The following PTGR1 variants were observed in gnomAD, a reference collection of about 807,000 sequenced individuals.
PTGR1 encodes the protein prostaglandin reductase 1.
In PTGR1, 23 loss-of-function variants were observed where a neutral mutation model predicts 37.7. The observed-to-expected ratio is 0.61, with a 90% confidence interval of 0.44 to 0.86. The LOEUF (loss-of-function observed/expected upper bound fraction) is 0.86, where lower values mean the gene tolerates loss of function less well. Among genes scored for constraint, PTGR1 ranks in the 40% least tolerant of loss-of-function variants. PTGR1 has a pLI of 0.00. For synonymous variants in PTGR1, 134 were observed against 140.0 expected (o/e 0.96, Z 0.30); for missense variants, 351 against 394.3 (o/e 0.89, Z 0.93).
chr9:111,562,882 T>G lies in PTGR1; in HGVS notation c.*239A>C. The G allele has an allele frequency of 8.3e-7, 1 of 1,202,456 alleles. No individual in the cohort carries two copies. Among genetic ancestry groups the G allele is most frequent in the Admixed American group, 3.5e-5 (1 of 28,650 alleles). 74.5% of individuals were successfully genotyped at this position (1,202,456 alleles called of 1,614,324 possible). A position where few individuals can be genotyped will look rare whatever the true frequency, so the allele number is the denominator to read the frequency against. On this transcript the variant is annotated 3_prime_UTR_variant, in exon 10 of 10. Coordinates refer to ENST00000407693, the MANE Select transcript of PTGR1 (RefSeq NM_001146108.2). The stretch of plus-strand genomic sequence containing the variant: ...ATTTTCACACTTCAAAGCCATTATT[T>G]TCTACCACAACTCAGAAGAAGCTGT...
At chr9:111,573,343 G>C (rs372904303) in intron 8 of PTGR1, among the ~76,000 whole-genome samples, 3 of 152,290 alleles carry the variant, frequency 2.0e-5, no homozygotes, top group South Asian at 2.1e-4. Context: ...TCTTGGTAAT[G>C]ATTTTGATTT....
chr9:111,584,948 T>G (rs1564619711), intron 5 of PTGR1, among the ~76,000 whole-genome samples: 1 of 152,188 alleles, frequency 6.6e-6, no homozygotes, highest in East Asian at 1.9e-4. Context: ...AATGTTAAGC[T>G]ATATTTTTGC....
chr9:111,576,542 G>A (rs902850895), intron 7 of PTGR1: 1 of 1,245,848 alleles, frequency 8.0e-7, no homozygotes, highest in Non-Finnish European at 1.1e-6. Flanking sequence ...AACTCTGGGG[G>A]TATTAGCTAG....
chr9:111,590,141 A>C (rs1829566244), intron 4 of PTGR1, among the ~76,000 whole-genome samples: 1 of 152,222 alleles, frequency 6.6e-6, no homozygotes, highest in Non-Finnish European at 1.5e-5. Flanking sequence ...CAATATAACG[A>C]ATGATAAGAC....
At chr9:111,590,559 A>T (rs1829579339) in intron 4 of PTGR1, among the ~76,000 whole-genome samples, 1 of 152,134 alleles carries the variant, frequency 6.6e-6, no homozygotes, top group African/African-American at 2.4e-5. Context: ...GGGTTTTGAC[A>T]TGTTGGCCAG....
chr9:111,593,125 C>T (rs1589321917), intron 3 of PTGR1, 143 bp from the exon 4 acceptor site: 5 of 1,329,688 alleles, frequency 3.8e-6, no homozygotes, highest in South Asian at 1.7e-5. Context: ...GGCAATAAAA[C>T]CCAGACAGAT....
chr9:111,560,667 C>T (rs1295223786), downstream of PTGR1, among the ~76,000 whole-genome samples: 10 of 139,300 alleles, frequency 7.2e-5, no homozygotes, highest in African/African-American at 1.3e-4. Flanking sequence ...AAAGGCACCA[C>T]GCACGGTGGT....
intron 2 of PTGR1, among the ~76,000 whole-genome samples, chr9:111,596,655 G>A (rs1233295281): frequency 6.6e-6 from 1 of 151,976 alleles, no homozygotes; most frequent in African/African-American, 2.4e-5. Context: ...CAGCTACTCA[G>A]GTGGCTGAGG....
Position 111,576,467 on chromosome 9 carries a change from G to A in PTGR1, c.652-1625C>T, listed in dbSNP as rs1829060058. 7.4e-6 allele frequency: 12 copies of A among 1,612,420 alleles called. No homozygotes were observed. The Admixed American group carries it at 2.0e-4, about 27-fold the overall frequency. ...TGTTACACAGAGATGACCAGAGGAT[G>A]GGGCCACTGCAGTGCAGTTCAAGAG... is the stretch of plus-strand genomic sequence containing the variant. On this transcript the variant is annotated intron_variant, in intron 7 of 9. Coordinates refer to ENST00000407693, the MANE Select transcript of PTGR1 (RefSeq NM_001146108.2).
At chr9:111,594,453 A>G (rs1212073818) in intron 2 of PTGR1, among the ~76,000 whole-genome samples, 186 bp from the exon 3 acceptor site, 1 of 151,974 alleles carries the variant, frequency 6.6e-6, no homozygotes, top group Non-Finnish European at 1.5e-5. Flanking sequence ...CATGCAATTT[A>G]CCCATATAAC....
downstream of PTGR1, among the ~76,000 whole-genome samples, chr9:111,560,928 G>A (rs1164833095): frequency 7.5e-6 from 1 of 134,004 alleles, no homozygotes; most frequent in African/African-American, 2.8e-5. Context: ...GGGCAACAGA[G>A]TGAGACTCCA....
intron 2 of PTGR1, among the ~76,000 whole-genome samples, chr9:111,597,069 G>T (rs1175811979): frequency 6.6e-6 from 1 of 152,062 alleles, no homozygotes; most frequent in African/African-American, 2.4e-5. Flanking sequence ...ACTAAGGCAT[G>T]CACCCCAACA....
chr9:111,551,410 T>G (rs866297418), intron 9 of PTGR1, among the ~76,000 whole-genome samples: 2,509 of 136,460 alleles, frequency 0.018, 59 homozygotes, highest in African/African-American at 0.061. Context: ...GTTTTTTTTT[T>G]TTTTTTTTTT....
At chr9:111,582,324 C>T (rs2132405527) in intron 6 of PTGR1, among the ~76,000 whole-genome samples, 1 of 152,280 alleles carries the variant, frequency 6.6e-6, no homozygotes, top group African/African-American at 2.4e-5. Context: ...TCCTATCAAA[C>T]TTACGGGATA....
At chr9:111,591,370 C>CTTTTTTTTT (rs756079285) in intron 4 of PTGR1, among the ~76,000 whole-genome samples, 1 of 122,074 alleles carries the variant, frequency 8.2e-6, no homozygotes, top group Non-Finnish European at 1.7e-5. Context: ...TTTTCTTTTT[C>CTTTTTTTTT]TTTTTTTTTT....
rs1829423525 is a variant in PTGR1, at chr9:111,586,177, A to C, written c.210-12T>G. 1 of 1,613,112 alleles carries C rather than the reference A, an allele frequency of 6.2e-7. No homozygotes were observed. The highest frequency in any genetic ancestry group is 1.3e-5 in the African/African-American group (1 of 74,902). On this transcript the variant is annotated splice_polypyrimidine_tract_variant and intron_variant, in intron 4 of 9. Coordinates refer to ENST00000407693, the MANE Select transcript of PTGR1 (RefSeq NM_001146108.2). ...TACTTTCCACAACTCTGAAAGATAA[A>C]GCACATTAAGGCATTAAGGCATGTG...
At chr9:111,558,005 G>C (rs948785297), downstream of PTGR1, among the ~76,000 whole-genome samples, 5 of 152,134 alleles carry the variant, frequency 3.3e-5, no homozygotes, top group African/African-American at 1.2e-4. Context: ...AAATTAGCCA[G>C]GCATGGTGGT....
chr9:111,595,109 C>T (rs753514164), intron 2 of PTGR1, among the ~76,000 whole-genome samples: 2 of 152,046 alleles, frequency 1.3e-5, no homozygotes, highest in Non-Finnish European at 2.9e-5. Flanking sequence ...CCCACCTTGG[C>T]CTCCCAAAGT....
At chr9:111,555,476 A>G (rs1219230892) in intron 9 of PTGR1, among the ~76,000 whole-genome samples, 2 of 152,154 alleles carry the variant, frequency 1.3e-5, no homozygotes, top group South Asian at 4.1e-4. Flanking sequence ...CCTCTAAACA[A>G]TATGTGTATT....
Sources: allele counts gnomAD v4.1 joint callset (sites outside exome capture counted in the v4.1 genomes callset), GRCh38; gene constraint gnomAD v4.1.1; transcripts MANE v1.5; gene names NCBI Gene and HGNC (gene_info 2026-07-23, HGNC 2026-07-21).